Variants in CFAP47 observed in about 807,000 individuals in gnomAD.
The protein encoded by CFAP47 is cilia and flagella associated protein 47.
Under a neutral mutation model 148.1 loss-of-function variants are expected in CFAP47, and 29 were observed. That is an observed-to-expected ratio of 0.20 (90% CI 0.15 to 0.27). The LOEUF (loss-of-function observed/expected upper bound fraction) is 0.27, where lower values mean the gene tolerates loss of function less well. CFAP47 is among the 10% of genes least tolerant of loss of function. The probability of loss-of-function intolerance (pLI) is 1.00; values close to 1 mark genes in which losing one functional copy is unlikely to be tolerated. For synonymous variants in CFAP47, 664 were observed against 577.3 expected (o/e 1.15, Z -2.15); for missense variants, 1,872 against 1,697.5 (o/e 1.10, Z -1.81).
Position 35,919,809 on chromosome X carries a change from C to T in CFAP47, c.10C>T (p.Gln4Ter), listed in dbSNP as rs141633156. 424 of 1,203,371 alleles carry T rather than the reference C, an allele frequency of 3.5e-4. 1 individual carries two copies. The African/African-American group carries it at 6.2e-3, about 18-fold the overall frequency. The stretch of plus-strand genomic sequence containing the variant: ...TACCGAGAGGGCAGCCATGAACACC[C>T]AAAAGGGTTCCCTCACCATAAACGT... The part of the protein sequence containing the change: MNT[Q>*]KGSLTINVHR... The change falls in exon 1 of 64, where the codon CAA (glutamine) becomes TAA (stop). Residue 4 changes from glutamine to a stop codon, truncating the protein, a stop_gained. Coordinates refer to ENST00000378653, the MANE Select transcript of CFAP47 (RefSeq NM_001304548.2). LOFTEE classifies it high-confidence loss of function.
chrX:36,277,560 C>G (rs1374530162), intron 49 of CFAP47, among the ~76,000 whole-genome samples: 2 of 112,190 alleles, frequency 1.8e-5, no homozygotes, highest in Non-Finnish European at 3.8e-5. Flanking sequence ...ACTCAATAAA[C>G]ACAAACATAT....
chrX:35,958,465 A>C (rs970082809), intron 8 of CFAP47, among the ~76,000 whole-genome samples: 1 of 111,760 alleles, frequency 8.9e-6, no homozygotes, highest in Non-Finnish European at 1.9e-5. Context: ...CTATTTTCCA[A>C]AGTGACTATA....
intron 21 of CFAP47, among the ~76,000 whole-genome samples, chrX:36,011,498 G>A (rs921500844): frequency 2.7e-5 from 3 of 111,749 alleles, no homozygotes; most frequent in Non-Finnish European, 5.6e-5. Flanking sequence ...GCGTTTGCAT[G>A]TCTCAACCAT....
At chrX:36,158,053 A>G (rs929327741) in intron 37 of CFAP47, among the ~76,000 whole-genome samples, 1 of 111,660 alleles carries the variant, frequency 9.0e-6, no homozygotes, top group Non-Finnish European at 1.9e-5. Flanking sequence ...TTTTGAGAAC[A>G]TTTCTATTGC....
At chrX:36,328,666 C>G (rs1420173440) in intron 57 of CFAP47, among the ~76,000 whole-genome samples, 2 of 106,868 alleles carry the variant, frequency 1.9e-5, no homozygotes, top group South Asian at 4.2e-4. Flanking sequence ...AAAAATTAGC[C>G]GGGCGCGGTG....
rs1378767970 is a variant in CFAP47, at chrX:36,131,740, CAACAG to C, written c.5321-6213_5321-6209del. On this transcript the variant is annotated intron_variant, in intron 33 of 63. Coordinates refer to ENST00000378653, the MANE Select transcript of CFAP47 (RefSeq NM_001304548.2). ...TGAAAATATTATGCTAAATAAAAGA[CAACAG>C]AACACAAAAGGGCACATATTTTATA... Among the ~76,000 whole-genome samples, 6 of 111,023 alleles carry C rather than the reference CAACAG, an allele frequency of 5.4e-5. No homozygotes were observed. In the Admixed American group the frequency reaches 5.7e-4, roughly 11 times the overall value.
At chrX:36,286,210 T>C (rs1449098090) in intron 51 of CFAP47, among the ~76,000 whole-genome samples, 1 of 111,547 alleles carries the variant, frequency 9.0e-6, no homozygotes, top group African/African-American at 3.2e-5. Flanking sequence ...CAAAAATTAT[T>C]TAATAAAGTT....
chrX:36,323,799 A>T (rs1160278721), intron 57 of CFAP47, among the ~76,000 whole-genome samples: 2 of 111,579 alleles, frequency 1.8e-5, no homozygotes, highest in African/African-American at 6.5e-5. Context: ...TTAGATCTAG[A>T]TGTAGTTATA....
intron 40 of CFAP47, among the ~76,000 whole-genome samples, chrX:36,186,317 T>C (rs1364847956): frequency 9.0e-6 from 1 of 111,367 alleles, no homozygotes; most frequent in Non-Finnish European, 1.9e-5. Flanking sequence ...TGCCCTTCTA[T>C]CTTAGGACTC....
At chrX:36,347,223 A>AC (rs2146982873) in intron 57 of CFAP47, among the ~76,000 whole-genome samples, 1 of 112,200 alleles carries the variant, frequency 8.9e-6, no homozygotes, top group South Asian at 3.7e-4. Context: ...GCAAATCAAA[A>AC]CCACAATGAG....
intron 44 of CFAP47, among the ~76,000 whole-genome samples, chrX:36,202,547 T>A (rs1216287470): frequency 4.5e-5 from 5 of 111,435 alleles, no homozygotes; most frequent in African/African-American, 1.6e-4. Flanking sequence ...TACACATTAG[T>A]GGGCTACCTC....
intron 46 of CFAP47, among the ~76,000 whole-genome samples, chrX:36,229,115 A>G (rs908565410): frequency 3.6e-5 from 4 of 111,407 alleles, no homozygotes; most frequent in Admixed American, 9.6e-5. Flanking sequence ...CTCTCAGGTC[A>G]CTCTACTCTA....
chrX:36,176,314 T>G (rs1261081584), intron 39 of CFAP47, among the ~76,000 whole-genome samples: 1 of 112,493 alleles, frequency 8.9e-6, no homozygotes, highest in African/African-American at 3.2e-5. Context: ...TTCGGCCATC[T>G]TGGCTCCTCC....
At chrX:35,923,968 T>C (rs1935637164) in intron 1 of CFAP47, among the ~76,000 whole-genome samples, 1 of 100,207 alleles carries the variant, frequency 1.0e-5, no homozygotes, top group African/African-American at 4.0e-5. Context: ...TACATATATG[T>C]GTATGTATGT....
At chrX:36,188,787 G>T (rs2146874148) in intron 41 of CFAP47, 97 bp downstream of exon 41, 1 of 283,670 alleles carries the variant, frequency 3.5e-6, no homozygotes, top group South Asian at 2.3e-4. Flanking sequence ...ATGGTTACAA[G>T]AATAGACAGA....
intron 11 of CFAP47, 137 bp from the exon 12 acceptor site, chrX:35,971,449 A>G: frequency 2.5e-6 from 1 of 400,661 alleles, no homozygotes; most frequent in Non-Finnish European, 4.2e-6. Flanking sequence ...TTTTATGTGG[A>G]TTAGTGCACC....
intron 51 of CFAP47, 83 bp downstream of exon 51, chrX:36,285,809 CCTT>C: frequency 2.8e-6 from 2 of 703,084 alleles, no homozygotes; most frequent in Non-Finnish European, 4.2e-6. Flanking sequence ...ATTTACTATC[CCTT>C]AAAAGGTCTG....
At chrX:36,255,124 A>T (rs112909802) in intron 49 of CFAP47, among the ~76,000 whole-genome samples, 1 of 111,898 alleles carries the variant, frequency 8.9e-6, no homozygotes, top group African/African-American at 3.2e-5. Context: ...TGGAACCAAA[A>T]GTGAAGATGG....
At chrX:35,988,004 C>G (rs1214616931) in intron 15 of CFAP47, among the ~76,000 whole-genome samples, 1 of 111,450 alleles carries the variant, frequency 9.0e-6, no homozygotes, top group Non-Finnish European at 1.9e-5. Flanking sequence ...AATCACCCAC[C>G]TTCTCCATTG....
Sources: gnomAD v4.1 joint callset for allele counts (sites outside exome capture counted in the v4.1 genomes callset) on GRCh38, gnomAD v4.1.1 for gene constraint, MANE v1.5 for transcripts, NCBI Gene and HGNC (gene_info 2026-07-23, HGNC 2026-07-21) for gene names.